CEP112: variants seen among roughly 807,000 people sequenced by gnomAD.
CEP112 encodes the protein centrosomal protein 112.
Under a neutral mutation model 153.0 loss-of-function variants are expected in CEP112, and 127 were observed. That is an observed-to-expected ratio of 0.83 (90% confidence interval 0.72 to 0.96). The LOEUF (loss-of-function observed/expected upper bound fraction) is 0.96, where lower values mean the gene tolerates loss of function less well. Ranked by LOEUF, CEP112 falls within the 40% of genes least tolerant of loss-of-function variation. The pLI is 0.00. For synonymous variants in CEP112, 358 were observed against 374.4 expected (o/e 0.96, Z 0.51); for missense variants, 1,089 against 1,101.2 (o/e 0.99, Z 0.16).
intron 19 of CEP112, among the ~76,000 whole-genome samples, chr17:65,908,704 A>AT (rs1457206684): frequency 4.0e-5 from 6 of 151,386 alleles, no homozygotes. Flanking sequence ...CAAAAAAAAA[A>AT]AGAAAAAGGG....
At chr17:66,008,695 C>T (rs1899585) in intron 16 of CEP112, among the ~76,000 whole-genome samples, 62,069 of 151,490 alleles carry the variant, frequency 0.41, 14,120 homozygotes, top group East Asian at 0.87. Context: ...CCCTGACATC[C>T]CTCCCCACCC....
At chr17:65,740,482 T>G (rs1015574495) in intron 23 of CEP112, among the ~76,000 whole-genome samples, 1 of 152,216 alleles carries the variant, frequency 6.6e-6, no homozygotes, top group Admixed American at 6.5e-5. Context: ...TTTATCAAGT[T>G]ATATTGCACC....
chr17:65,866,877 C>T (rs1343299092), intron 20 of CEP112, among the ~76,000 whole-genome samples: 1 of 152,166 alleles, frequency 6.6e-6, no homozygotes, highest in Non-Finnish European at 1.5e-5. Context: ...CTTCATCTTG[C>T]TCACCCTCCA....
At chr17:65,898,782 TG>T (rs1274187508) in intron 20 of CEP112, among the ~76,000 whole-genome samples, 1 of 152,152 alleles carries the variant, frequency 6.6e-6, no homozygotes, top group Non-Finnish European at 1.5e-5. Context: ...GGTGCCTAAA[TG>T]TCTCTACTGC....
intron 8 of CEP112, among the ~76,000 whole-genome samples, chr17:66,081,664 C>T (rs1458397650): frequency 6.6e-6 from 1 of 150,508 alleles, no homozygotes; most frequent in African/African-American, 2.4e-5. Context: ...CGCCTGTAAT[C>T]CCAGCACTCC....
At chr17:66,176,658 T>A in intron 3 of CEP112, 172 bp downstream of exon 3, 1 of 459,614 alleles carries the variant, frequency 2.2e-6, no homozygotes, top group East Asian at 3.3e-5. Context: ...TTATAAGCAA[T>A]ACATGTATTT....
At chr17:65,685,968 CTAATTA>C (rs1669417415) in intron 24 of CEP112, among the ~76,000 whole-genome samples, 1 of 151,942 alleles carries the variant, frequency 6.6e-6, no homozygotes, top group Non-Finnish European at 1.5e-5. Context: ...CAGCCTAATT[CTAATTA>C]TTTTTGACTA....
intron 17 of CEP112, among the ~76,000 whole-genome samples, chr17:65,970,733 C>T (rs1489935470): frequency 4.2e-5 from 3 of 71,818 alleles, no homozygotes; most frequent in Middle Eastern, 7.2e-3. Flanking sequence ...TTATCACATG[C>T]ATGTGTTAAT....
chr17:66,026,957 A>G (rs2065237728), intron 16 of CEP112, among the ~76,000 whole-genome samples: 1 of 152,242 alleles, frequency 6.6e-6, no homozygotes, highest in African/African-American at 2.4e-5. Context: ...TCACTCATTA[A>G]ATATAACACA....
chr17:66,074,480 A>G (rs1352578596), intron 8 of CEP112, among the ~76,000 whole-genome samples: 1 of 152,218 alleles, frequency 6.6e-6, no homozygotes, highest in Non-Finnish European at 1.5e-5. Flanking sequence ...ATACTGACTT[A>G]GAGAACAAGA....
chr17:66,125,170 A>C (rs2069784595), intron 6 of CEP112, among the ~76,000 whole-genome samples: 1 of 152,228 alleles, frequency 6.6e-6, no homozygotes, highest in Non-Finnish European at 1.5e-5. Flanking sequence ...GAGAAAGACA[A>C]AGAGAATTTG....
chr17:66,085,392 A>C (rs1335193380), intron 8 of CEP112, among the ~76,000 whole-genome samples: 4 of 152,170 alleles, frequency 2.6e-5, no homozygotes, highest in Non-Finnish European at 4.4e-5. Context: ...TTTTAAGGAC[A>C]ACTTGTCAAC....
In CEP112 at chr17:65,650,730, TAAAAAAAAA is replaced by T. The variant is rs71361240; in HGVS notation, c.2698-9674_2698-9666del. ...AGCCAACATGGTGAAAACTCTCTAC[TAAAAAAAAA>T]AAAAAAAAAAAAAAAAAATTAGCTG... On this transcript the variant is annotated intron_variant, in intron 24 of 26. Coordinates refer to ENST00000535342, the MANE Select transcript of CEP112 (RefSeq NM_001199165.4). 6.6e-3 allele frequency among the ~76,000 whole-genome samples: 292 copies of T among 44,232 alleles called. 1 individual carries two copies. The highest frequency in any genetic ancestry group is 0.029 in the African/African-American group (285 of 9,782). 29.0% of individuals were successfully genotyped at this position (44,232 alleles called of 152,430 possible). A position where few individuals can be genotyped will look rare whatever the true frequency, so the allele number is the denominator to read the frequency against.
At chr17:65,687,800 TA>T (rs748020594) in intron 24 of CEP112, among the ~76,000 whole-genome samples, 27 of 152,346 alleles carry the variant, frequency 1.8e-4, no homozygotes, top group South Asian at 1.7e-3. Context: ...CTATCAGCCT[TA>T]CTTTTGTGTT....
At chr17:65,792,162 C>G (rs2054625451) in intron 21 of CEP112, among the ~76,000 whole-genome samples, 1 of 152,134 alleles carries the variant, frequency 6.6e-6, no homozygotes, top group African/African-American at 2.4e-5. Context: ...TCTTTATTCC[C>G]AAACTTATTG....
intron 21 of CEP112, among the ~76,000 whole-genome samples, chr17:65,784,672 G>T (rs2054178273): frequency 6.6e-6 from 1 of 152,036 alleles, no homozygotes; most frequent in South Asian, 2.1e-4. Flanking sequence ...GTAGAGACGG[G>T]GTTTCACCAT....
chr17:66,138,591 G>C (rs1478875599), intron 4 of CEP112, among the ~76,000 whole-genome samples: 2 of 152,092 alleles, frequency 1.3e-5, no homozygotes, highest in African/African-American at 2.4e-5. Flanking sequence ...TAAAAGTATT[G>C]AATTTTTTAA....
At chr17:66,118,084 C>G (rs1467330936) in intron 6 of CEP112, among the ~76,000 whole-genome samples, 2 of 152,128 alleles carry the variant, frequency 1.3e-5, no homozygotes, top group African/African-American at 4.8e-5. Context: ...AGCACAGCCA[C>G]TATGGAGAAC....
chr17:66,109,291 T>C (rs1290184700), intron 6 of CEP112, among the ~76,000 whole-genome samples: 1 of 152,168 alleles, frequency 6.6e-6, no homozygotes, highest in Non-Finnish European at 1.5e-5. Context: ...GTAACACAAA[T>C]GAAGGATCGA....
Sources: allele counts gnomAD v4.1 joint callset (sites outside exome capture counted in the v4.1 genomes callset), GRCh38; gene constraint gnomAD v4.1.1; transcripts MANE v1.5; gene names NCBI Gene and HGNC (gene_info 2026-07-23, HGNC 2026-07-21).